The following SPATA16 variants were observed in gnomAD, a reference collection of about 807,000 sequenced individuals.
SPATA16 encodes spermatogenesis associated 16.
A neutral mutation model predicts 63.3 loss-of-function variants in SPATA16; 36 were observed. The observed-to-expected ratio is 0.57, with a 90% CI of 0.44 to 0.75. The LOEUF is 0.75. Ranked by LOEUF, SPATA16 falls within the 30% of genes least tolerant of loss-of-function variation. The pLI, the probability that SPATA16 is intolerant of heterozygous loss-of-function variation, is 0.00. For synonymous variants in SPATA16, 203 were observed against 216.7 expected, an observed-to-expected ratio of 0.94 and a Z score of 0.56; for missense variants, 646 against 679.3, an observed-to-expected ratio of 0.95 and a Z score of 0.54.
intron 10 of SPATA16, among the ~76,000 whole-genome samples, chr3:172,895,650 T>C (rs1321145147): frequency 6.6e-6 from 1 of 152,172 alleles, no homozygotes; most frequent in East Asian, 1.9e-4. Context: ...TCTTCATTTA[T>C]ATAATTTTGT....
intron 10 of SPATA16, among the ~76,000 whole-genome samples, chr3:172,908,887 G>A (rs889774898): frequency 1.3e-5 from 2 of 151,484 alleles, no homozygotes; most frequent in Admixed American, 1.3e-4. Context: ...TAACTCTGTA[G>A]CAGTAAAAGG....
At chr3:172,957,431 T>C (rs2108235229) in intron 5 of SPATA16, among the ~76,000 whole-genome samples, 1 of 152,328 alleles carries the variant, frequency 6.6e-6, no homozygotes, top group East Asian at 1.9e-4. Context: ...TTTTTGCTCA[T>C]GTACCATTCT....
chr3:172,916,180 G>T (rs1252431145), intron 9 of SPATA16, 137 bp downstream of exon 9: 6 of 1,024,984 alleles, frequency 5.9e-6, no homozygotes, highest in Non-Finnish European at 8.8e-6. Context: ...CCATTAGAAT[G>T]CTTCAAGAAG....
Position 173,000,678 on chromosome 3 carries a change from C to T in SPATA16, c.848+18808G>A, listed in dbSNP as rs371808552. 2.9e-4 allele frequency among the ~76,000 whole-genome samples: 44 copies of T among 149,692 alleles called. No individual in the cohort carries two copies. The South Asian group carries it at 9.1e-3, about 31-fold the overall frequency. On this transcript the variant is annotated intron_variant, in intron 4 of 10. Transcript: ENST00000351008. Reference sequence around the variant, plus strand: ...TATTCCCTTTACACATATGTGACATCCTTTTTGTCCCACAGTTCTTGGATA... The same window carrying T: ...TATTCCCTTTACACATATGTGACATTCTTTTTGTCCCACAGTTCTTGGATA...
chr3:172,930,821 A>C (rs1212359544), intron 6 of SPATA16, among the ~76,000 whole-genome samples: 1 of 149,462 alleles, frequency 6.7e-6, no homozygotes, highest in Non-Finnish European at 1.5e-5. Context: ...CAAAGTGGTG[A>C]GATTACAGGC....
chr3:173,090,273 C>T (rs567459329), intron 2 of SPATA16, among the ~76,000 whole-genome samples: 13 of 152,146 alleles, frequency 8.5e-5, no homozygotes, highest in Admixed American at 7.2e-4. Flanking sequence ...CCACCCTACT[C>T]CTGCTTTGTC....
At chr3:173,013,458 C>G (rs1020735909) in intron 4 of SPATA16, among the ~76,000 whole-genome samples, 1 of 152,180 alleles carries the variant, frequency 6.6e-6, no homozygotes, top group African/African-American at 2.4e-5. Flanking sequence ...ACCCAGCAGA[C>G]TTGACGTCCA....
intron 1 of SPATA16, among the ~76,000 whole-genome samples, chr3:173,133,958 A>C (rs1311610676): frequency 6.6e-6 from 1 of 151,544 alleles, no homozygotes; most frequent in Non-Finnish European, 1.5e-5. Flanking sequence ...GCTCACTCAT[A>C]AGTCAAGCCA....
chr3:172,907,722 C>T (rs1052732106), intron 10 of SPATA16, among the ~76,000 whole-genome samples: 1 of 151,932 alleles, frequency 6.6e-6, no homozygotes, highest in Non-Finnish European at 1.5e-5. Flanking sequence ...ATTACAGGTG[C>T]GTGCCACCAT....
At chr3:173,131,900 A>T (rs1169267850) in intron 1 of SPATA16, among the ~76,000 whole-genome samples, 1 of 152,174 alleles carries the variant, frequency 6.6e-6, no homozygotes, top group Non-Finnish European at 1.5e-5. Flanking sequence ...TTTTCTATAC[A>T]CACTATTCAG....
At position 172,961,065 on chromosome 3, in the gene SPATA16, T is replaced by TCCTTTCTTC. The variant is rs147947230; in HGVS notation, c.934-4242_934-4241insGAAGAAAGG. Among the ~76,000 whole-genome samples, 213 of 40,160 alleles carry TCCTTTCTTC rather than the reference T, an allele frequency of 5.3e-3. 10 individuals are homozygous for TCCTTTCTTC. Among genetic ancestry groups the TCCTTTCTTC allele is most frequent in the African/African-American group, 0.026 (206 of 8,048 alleles). The allele number at this position is 40,160 out of a possible 152,430, so 26.3% of individuals were successfully genotyped here. ...CTTTCTTTCTTCTTTCTTTCTTTCT[T>TCCTTTCTTC]CTTTCTTCCTTCCTTCCTTCCTTCC... is the stretch of plus-strand genomic sequence containing the variant. On this transcript the variant is annotated intron_variant, in intron 5 of 10. Coordinates refer to ENST00000351008, the MANE Select transcript of SPATA16 (RefSeq NM_031955.6).
rs183524766 is a variant in SPATA16, at chr3:173,122,984, A to T, written c.-18-5235T>A. Among the ~76,000 whole-genome samples the T allele has an allele frequency of 1.6e-3, 242 of 152,348 alleles. 2 individuals are homozygous for T. The highest frequency in any genetic ancestry group is 8.8e-4 in the Non-Finnish European group (60 of 68,038). On this transcript the variant is annotated intron_variant, in intron 1 of 10. Coordinates refer to ENST00000351008, the MANE Select transcript of SPATA16 (RefSeq NM_031955.6). ...ATAATGGACATACTTCTGTAAGAAC[A>T]TGGGACTGATGCAATTTCAAGATAT... is the stretch of plus-strand genomic sequence containing the variant.
chr3:172,979,507 C>T (rs1047256774), intron 4 of SPATA16, among the ~76,000 whole-genome samples: 5 of 152,084 alleles, frequency 3.3e-5, no homozygotes, highest in African/African-American at 1.2e-4. Flanking sequence ...TTTTGGATTA[C>T]GACTATTGTG....
chr3:173,108,924 A>G (rs1737683327), intron 2 of SPATA16, among the ~76,000 whole-genome samples: 1 of 152,160 alleles, frequency 6.6e-6, no homozygotes, highest in Non-Finnish European at 1.5e-5. Context: ...AGTGCAGTCT[A>G]TTGTGTTTGC....
intron 4 of SPATA16, among the ~76,000 whole-genome samples, chr3:173,011,150 G>A (rs1464275783): frequency 6.6e-6 from 1 of 151,858 alleles, no homozygotes; most frequent in Non-Finnish European, 1.5e-5. Context: ...AAAACTACAG[G>A]CACAAAATCA....
intron 2 of SPATA16, among the ~76,000 whole-genome samples, chr3:173,063,225 G>A (rs373733267): frequency 3.3e-5 from 5 of 152,240 alleles, no homozygotes; most frequent in African/African-American, 1.2e-4. Context: ...AAAAGAGATA[G>A]GTCAACATGT....
At chr3:173,037,372 A>C (rs986966440) in intron 3 of SPATA16, among the ~76,000 whole-genome samples, 6 of 152,076 alleles carry the variant, frequency 3.9e-5, no homozygotes, top group African/African-American at 1.4e-4. Context: ...AGCTTATAGG[A>C]ACTAGAAGTC....
chr3:172,992,081 A>C (rs913349525), intron 4 of SPATA16, among the ~76,000 whole-genome samples: 5 of 152,086 alleles, frequency 3.3e-5, no homozygotes, highest in Admixed American at 6.6e-5. Context: ...GGCGTTAGGA[A>C]AATTCTGCAT....
chr3:172,933,468 G>T (rs976200414), intron 6 of SPATA16, among the ~76,000 whole-genome samples: 3 of 152,152 alleles, frequency 2.0e-5, no homozygotes, highest in Admixed American at 6.5e-5. Context: ...TGTGGAAGGG[G>T]CACTCTTATT....
Sources: gnomAD v4.1 joint callset for allele counts (sites outside exome capture counted in the v4.1 genomes callset) on GRCh38, gnomAD v4.1.1 for gene constraint, MANE v1.5 for transcripts, NCBI Gene and HGNC (gene_info 2026-07-23, HGNC 2026-07-21) for gene names.